MTF2: variants seen among roughly 807,000 people sequenced by gnomAD.
The protein encoded by MTF2 is metal-response element-binding transcription factor 2.
MTF2 carries 11 observed loss-of-function variants against 79.5 expected under a neutral mutation model. The ratio of observed to expected loss-of-function variants is 0.14; its 90% CI spans 0.09 to 0.23. The LOEUF is 0.23. Among genes scored for constraint, MTF2 ranks in the 10% least tolerant of loss-of-function variants. The pLI, the probability that MTF2 is intolerant of heterozygous loss-of-function variation, is 1.00. For synonymous variants in MTF2, 208 were observed against 232.8 expected (o/e 0.89, Z 0.97); for missense variants, 486 against 711.2 (o/e 0.68, Z 3.60).
chr1:93,115,154 T>G, intron 5 of MTF2, 66 bp downstream of exon 5: 6 of 1,195,890 alleles, frequency 5.0e-6, no homozygotes, highest in Non-Finnish European at 6.1e-6. Context: ...ACATAATGAT[T>G]GTGTACACTG....
intron 10 of MTF2, among the ~76,000 whole-genome samples, chr1:93,127,646 A>G (rs1656751388): frequency 6.6e-6 from 1 of 152,216 alleles, no homozygotes. Flanking sequence ...TATTCAAAAG[A>G]TAGAGAATAT....
At chr1:93,132,387 G>A (rs1292864651) in intron 11 of MTF2, among the ~76,000 whole-genome samples, 2 of 152,082 alleles carry the variant, frequency 1.3e-5, no homozygotes, top group African/African-American at 4.8e-5. Context: ...TTTCTATCAT[G>A]ATTGTGATAG....
At chr1:93,111,163 C>T (rs1373411203) in intron 3 of MTF2, among the ~76,000 whole-genome samples, 2 of 152,066 alleles carry the variant, frequency 1.3e-5, no homozygotes, top group African/African-American at 2.4e-5. Flanking sequence ...AGGTATGCTT[C>T]TTGTGATGAT....
At chr1:93,129,542 A>G (rs1656832944) in intron 11 of MTF2, 94 bp downstream of exon 11, 1 of 974,968 alleles carries the variant, frequency 1.0e-6, no homozygotes, top group South Asian at 3.5e-5. Context: ...TGAAAGTACA[A>G]GTGGCAGTTA....
At position 93,088,003 on chromosome 1, in the gene MTF2, G is replaced by C. The variant is rs1336742423; in HGVS notation, c.5+8472G>C. Among the ~76,000 whole-genome samples the C allele has an allele frequency of 2.6e-5, 4 of 152,076 alleles. No homozygotes were observed. The East Asian group carries it at 7.7e-4, about 29-fold the overall frequency. On this transcript the variant is annotated intron_variant, in intron 1 of 14. Coordinates refer to ENST00000370298, the MANE Select transcript of MTF2 (RefSeq NM_007358.4). ...ATTTTCAAGCCCTTATCATCCATAT[G>C]CTCTACTACCTACCAAAGATCCAGT...
At chr1:93,107,349 C>G (rs996280718) in intron 1 of MTF2, among the ~76,000 whole-genome samples, 1 of 152,000 alleles carries the variant, frequency 6.6e-6, no homozygotes, top group East Asian at 1.9e-4. Flanking sequence ...CTCAGCCTCC[C>G]GAGTAGCTGG....
intron 1 of MTF2, among the ~76,000 whole-genome samples, chr1:93,096,808 CTTT>C (rs961849389): frequency 7.3e-6 from 1 of 136,238 alleles, no homozygotes; most frequent in East Asian, 2.1e-4. Flanking sequence ...TTTTCTTTTT[CTTT>C]TTTTTTTTTT....
chr1:93,127,490 CCTT>C (rs1019112146), intron 10 of MTF2, among the ~76,000 whole-genome samples, 191 bp downstream of exon 10: 24 of 152,200 alleles, frequency 1.6e-4, no homozygotes, highest in African/African-American at 5.8e-4. Flanking sequence ...GAGGAGTAAT[CCTT>C]CTCCTGGGAA....
chr1:93,091,311 T>C (rs1206554445), intron 1 of MTF2, among the ~76,000 whole-genome samples: 3 of 152,142 alleles, frequency 2.0e-5, no homozygotes, highest in Non-Finnish European at 4.4e-5. Flanking sequence ...TGGTGACTTC[T>C]TTTCCTCAGG....
intron 1 of MTF2, among the ~76,000 whole-genome samples, chr1:93,095,607 T>C (rs1438348284): frequency 6.6e-6 from 1 of 151,518 alleles, no homozygotes; most frequent in Non-Finnish European, 1.5e-5. Context: ...CCCAAAGTAC[T>C]GACTGGGATT....
At chr1:93,114,934 G>A (rs930859693) in intron 4 of MTF2, 54 bp from the exon 5 acceptor site, 18 of 1,351,848 alleles carry the variant, frequency 1.3e-5, no homozygotes, top group Admixed American at 9.8e-5. Flanking sequence ...TCTTGAAATT[G>A]TGTTGAAAGT....
intron 1 of MTF2, among the ~76,000 whole-genome samples, chr1:93,098,165 A>C (rs1312972249): frequency 6.6e-6 from 1 of 152,142 alleles, no homozygotes; most frequent in Non-Finnish European, 1.5e-5. Flanking sequence ...GTGTTGTCTC[A>C]TGACTTTGTG....
chr1:93,136,681 C>T lies in MTF2; in HGVS notation c.1436C>T (p.Ser479Phe), dbSNP rs1411724423. 3 of 1,612,406 alleles carry T rather than the reference C, an allele frequency of 1.9e-6. No homozygotes were observed. The South Asian group carries it at 3.3e-5, about 18-fold the overall frequency. Residue 479 changes from serine (S) to phenylalanine (F), a missense_variant, in exon 15 of 15, where the codon TCC (serine) becomes TTC (phenylalanine). Physicochemically the swap from Ser to Phe is radical, Grantham distance 155. This residue lies in a region of MTF2 where 209 missense variants were observed against 206.5 expected (regional missense o/e 1.01). Transcript: ENST00000370298. ...TCTCTGTTACATAGATTATCTGACT[C>T]CAGAAAAAGAACGCGTACAGGAAGA... Reference protein sequence around the residue: ...SISRHYGLSDSRKRTRTGRSW... With the variant: ...SISRHYGLSDFRKRTRTGRSW...
intron 1 of MTF2, among the ~76,000 whole-genome samples, chr1:93,095,990 T>C (rs1289258474): frequency 1.3e-5 from 2 of 152,200 alleles, no homozygotes; most frequent in Non-Finnish European, 2.9e-5. Flanking sequence ...TTGACCTCTG[T>C]CTTTTGAGTC....
intron 1 of MTF2, among the ~76,000 whole-genome samples, chr1:93,084,799 T>G (rs1654768672): frequency 6.6e-6 from 1 of 152,072 alleles, no homozygotes; most frequent in South Asian, 2.1e-4. Flanking sequence ...AGCTTAGGAG[T>G]TTGAGACTTC....
intron 11 of MTF2, among the ~76,000 whole-genome samples, chr1:93,130,057 A>G (rs1289368841): frequency 1.3e-5 from 2 of 152,216 alleles, no homozygotes; most frequent in Non-Finnish European, 2.9e-5. Flanking sequence ...TGAAAAACAA[A>G]GGGAAAAACT....
chr1:93,113,209 G>A (rs1160456057), intron 3 of MTF2, among the ~76,000 whole-genome samples: 1 of 138,724 alleles, frequency 7.2e-6, no homozygotes, highest in Non-Finnish European at 1.6e-5. Context: ...GGGAGATCCT[G>A]TCGCTACAAA....
chr1:93,133,962 A>G lies in MTF2; in HGVS notation c.1301A>G (p.Asp434Gly), dbSNP rs2101098544. 6.3e-6 allele frequency: 10 copies of G among 1,581,856 alleles called. No homozygotes were observed. The highest frequency in any genetic ancestry group is 8.7e-6 in the Non-Finnish European group (10 of 1,153,994). Residue 434 changes from aspartate (D) to glycine (G), a missense_variant, in exon 13 of 15, where the codon GAT becomes GGT. Asp to Gly is a moderately conservative substitution (Grantham distance 94). This residue lies in a region of MTF2 where 209 missense variants were observed against 206.5 expected (regional missense o/e 1.01). Transcript: ENST00000370298. ...KESISENPTL[D>G]LPCSIGRTEG... ...TCAATTTCAGAGAATCCTACTTTGG[A>G]TTTACCTTGTTCTATAGGGTAAATA...
At chr1:93,117,055 G>A (rs1192978389) in intron 6 of MTF2, among the ~76,000 whole-genome samples, 1 of 152,070 alleles carries the variant, frequency 6.6e-6, no homozygotes, top group Admixed American at 6.5e-5. Context: ...GAAATATTAT[G>A]GGAATTTCCA....
Sources: gnomAD v4.1 joint callset for allele counts (sites outside exome capture counted in the v4.1 genomes callset) on GRCh38, gnomAD v4.1.1 for gene constraint, gnomAD v4.1.1 regional missense constraint, MANE v1.5 for transcripts, NCBI Gene and HGNC (gene_info 2026-07-23, HGNC 2026-07-21) for gene names.